Variants in AUTS2 observed in about 807,000 individuals in gnomAD.
The protein encoded by AUTS2 is autism susceptibility gene 2 protein.
A neutral mutation model predicts 112.4 loss-of-function variants in AUTS2; 17 were observed. The observed-to-expected ratio is 0.15, with a 90% confidence interval of 0.10 to 0.23. AUTS2 has a LOEUF of 0.23. Among genes scored for constraint, AUTS2 ranks in the 10% least tolerant of loss-of-function variants. The pLI is 1.00. For synonymous variants in AUTS2, 751 were observed against 702.7 expected, an observed-to-expected ratio of 1.07 and a Z score of -1.09; for missense variants, 1,510 against 1,701.6, an observed-to-expected ratio of 0.89 and a Z score of 1.98.
intron 4 of AUTS2, among the ~76,000 whole-genome samples, chr7:70,146,845 A>G (rs950905283): frequency 3.9e-5 from 6 of 152,164 alleles, no homozygotes; most frequent in African/African-American, 1.4e-4. Context: ...TTATTTTGGA[A>G]GAAAGCTATG....
chr7:70,746,720 A>AG (rs1467103214), intron 6 of AUTS2, among the ~76,000 whole-genome samples: 2 of 151,906 alleles, frequency 1.3e-5, no homozygotes, highest in South Asian at 2.1e-4. Context: ...GGAGAGGGAG[A>AG]GGGGGGCAGG....
At chr7:70,317,439 TC>T (rs1410392602) in intron 4 of AUTS2, among the ~76,000 whole-genome samples, 1 of 152,222 alleles carries the variant, frequency 6.6e-6, no homozygotes, top group Non-Finnish European at 1.5e-5. Context: ...CCATGTTGGC[TC>T]CCATTTTAAA....
At chr7:70,077,430 A>G (rs1036964197) in intron 2 of AUTS2, among the ~76,000 whole-genome samples, 3 of 152,154 alleles carry the variant, frequency 2.0e-5, no homozygotes, top group African/African-American at 7.2e-5. Context: ...CCATATATGT[A>G]TCTGTACCTG....
chr7:69,658,193 G>A (rs976577384), intron 1 of AUTS2, among the ~76,000 whole-genome samples: 1 of 152,228 alleles, frequency 6.6e-6, no homozygotes, highest in Non-Finnish European at 1.5e-5. Context: ...TTGAGTAGTT[G>A]CAGCAGAAAC....
At chr7:70,007,504 G>C (rs1356517759) in intron 2 of AUTS2, among the ~76,000 whole-genome samples, 1 of 152,158 alleles carries the variant, frequency 6.6e-6, no homozygotes, top group African/African-American at 2.4e-5. Flanking sequence ...GGTGGTAGTA[G>C]TAGTGGTGAT....
intron 1 of AUTS2, among the ~76,000 whole-genome samples, chr7:69,869,129 AG>A (rs776026361): frequency 3.6e-4 from 55 of 152,324 alleles, no homozygotes; most frequent in Non-Finnish European, 6.5e-4. Flanking sequence ...GTTGTACCAC[AG>A]AGTTACGCAA....
chr7:69,977,498 A>T (rs1432222491), intron 2 of AUTS2, among the ~76,000 whole-genome samples: 2 of 152,056 alleles, frequency 1.3e-5, no homozygotes, highest in East Asian at 1.9e-4. Flanking sequence ...TTTGATAGAG[A>T]TTGTATTTAT....
chr7:70,773,401 C>G (rs1247797439), intron 11 of AUTS2, among the ~76,000 whole-genome samples: 2 of 152,092 alleles, frequency 1.3e-5, no homozygotes, highest in Non-Finnish European at 2.9e-5. Flanking sequence ...TTAATATTAG[C>G]AATATTTGAG....
At chr7:70,482,961 T>C (rs1241649514) in intron 5 of AUTS2, among the ~76,000 whole-genome samples, 1 of 152,184 alleles carries the variant, frequency 6.6e-6, no homozygotes. Context: ...GGTTGGGACA[T>C]GTCATATGTG....
At chr7:70,125,249 G>A (rs1805903985) in intron 3 of AUTS2, among the ~76,000 whole-genome samples, 1 of 62,250 alleles carries the variant, frequency 1.6e-5, no homozygotes, top group Non-Finnish European at 3.3e-5. Context: ...TTGGAGATGT[G>A]TGTGTGTGTG....
chr7:70,754,076 G>C (rs370514622), intron 6 of AUTS2, among the ~76,000 whole-genome samples: 3 of 152,144 alleles, frequency 2.0e-5, no homozygotes, highest in Non-Finnish European at 4.4e-5. Flanking sequence ...CAAGAGAATG[G>C]CGTGAACCCA....
intron 2 of AUTS2, among the ~76,000 whole-genome samples, chr7:69,916,205 C>T (rs1377733853): frequency 6.6e-6 from 1 of 152,152 alleles, no homozygotes; most frequent in African/African-American, 2.4e-5. Context: ...GGAAGTGTTA[C>T]AAATGGTAGT....
intron 1 of AUTS2, among the ~76,000 whole-genome samples, chr7:69,822,072 A>T (rs1480641451): frequency 6.6e-6 from 1 of 152,318 alleles, no homozygotes; most frequent in East Asian, 1.9e-4. Context: ...TAGATGGGTT[A>T]GAAGGCTAGT....
intron 4 of AUTS2, among the ~76,000 whole-genome samples, chr7:70,396,206 C>T (rs1166566322): frequency 6.6e-6 from 1 of 152,114 alleles, no homozygotes; most frequent in Non-Finnish European, 1.5e-5. Flanking sequence ...GTGGTCCCTT[C>T]CTCCTGCCCA....
At chr7:69,831,812 A>G (rs1346288850) in intron 1 of AUTS2, among the ~76,000 whole-genome samples, 1 of 152,164 alleles carries the variant, frequency 6.6e-6, no homozygotes, top group Non-Finnish European at 1.5e-5. Flanking sequence ...CCCTTAGGAT[A>G]TTGAGAGAGT....
At chr7:69,616,257 G>T (rs1023177653) in intron 1 of AUTS2, among the ~76,000 whole-genome samples, 54 of 152,306 alleles carry the variant, frequency 3.5e-4, no homozygotes, top group African/African-American at 1.2e-3. Context: ...GGGTCATTTA[G>T]ATATAAAAAG....
At chr7:70,684,055 C>T (rs1808336448) in intron 5 of AUTS2, among the ~76,000 whole-genome samples, 1 of 150,566 alleles carries the variant, frequency 6.6e-6, no homozygotes, top group Admixed American at 6.6e-5. Context: ...CCAGTAGAAG[C>T]AAATATTTTG....
chr7:70,628,816 G>A (rs535744963), intron 5 of AUTS2, among the ~76,000 whole-genome samples: 1 of 152,242 alleles, frequency 6.6e-6, no homozygotes, highest in African/African-American at 2.4e-5. Context: ...GGGAAAGCAC[G>A]GGTAAACGGG....
intron 2 of AUTS2, among the ~76,000 whole-genome samples, chr7:70,023,531 C>T (rs1195786589): frequency 6.6e-6 from 1 of 152,082 alleles, no homozygotes; most frequent in African/African-American, 2.4e-5. Context: ...CTTTCCTATG[C>T]CTTGATTTCC....
Sources: allele counts gnomAD v4.1 joint callset (sites outside exome capture counted in the v4.1 genomes callset), GRCh38; gene constraint gnomAD v4.1.1; transcripts MANE v1.5; gene names NCBI Gene and HGNC (gene_info 2026-07-23, HGNC 2026-07-21).